The following TENM2 variants were observed in gnomAD, a reference collection of about 807,000 sequenced individuals.
TENM2 encodes the protein teneurin-2.
A neutral mutation model predicts 245.2 loss-of-function variants in TENM2; 52 were observed. The ratio of observed to expected loss-of-function variants is 0.21; its 90% CI spans 0.17 to 0.27. The LOEUF (loss-of-function observed/expected upper bound fraction) is 0.27, where lower values mean the gene tolerates loss of function less well. Ranked by LOEUF, TENM2 falls within the 10% of genes least tolerant of loss-of-function variation. The pLI is 1.00. For synonymous variants in TENM2, 1,363 were observed against 1,438.9 expected, an observed-to-expected ratio of 0.95 and a Z score of 1.19; for missense variants, 3,046 against 3,666.8, an observed-to-expected ratio of 0.83 and a Z score of 4.37.
chr5:167,950,880 TACAGGTTCATTTGGAGG>T (rs1333106858), intron 3 of TENM2, among the ~76,000 whole-genome samples: 1 of 152,240 alleles, frequency 6.6e-6, no homozygotes, highest in Non-Finnish European at 1.5e-5. Flanking sequence ...AAATAGGAAT[TACAGGTTCATTTGGAGG>T]ACATGATTTA....
At chr5:166,995,463 G>A in the TENM2 span, among the ~76,000 whole-genome samples, 1 of 151,846 alleles carries the variant, frequency 6.6e-6, no homozygotes, top group Admixed American at 6.6e-5. Flanking sequence ...GGATGGTCTC[G>A]ATTTCCTGAC....
At chr5:167,732,227 C>A (rs1675310718) in intron 2 of TENM2, among the ~76,000 whole-genome samples, 1 of 152,126 alleles carries the variant, frequency 6.6e-6, no homozygotes, top group African/African-American at 2.4e-5. Context: ...AGAGTACTCC[C>A]AGAAGCAGGC....
At chr5:167,917,043 G>A (rs1777007018) in intron 3 of TENM2, among the ~76,000 whole-genome samples, 1 of 152,226 alleles carries the variant, frequency 6.6e-6, no homozygotes, top group African/African-American at 2.4e-5. Flanking sequence ...TACTGTACCG[G>A]TGCCTTTCAG....
chr5:167,186,930 T>C, the TENM2 span, among the ~76,000 whole-genome samples: 1 of 152,210 alleles, frequency 6.6e-6, no homozygotes, highest in Non-Finnish European at 1.5e-5. Flanking sequence ...TGAACATTTC[T>C]GGGAGAACTC....
the TENM2 span, among the ~76,000 whole-genome samples, chr5:167,055,096 TCGCC>T: frequency 6.6e-6 from 1 of 152,140 alleles, no homozygotes; most frequent in Non-Finnish European, 1.5e-5. Context: ...TAAAAAGTCA[TCGCC>T]ATACTCAAGG....
At chr5:167,794,246 C>A (rs1360682506) in intron 2 of TENM2, among the ~76,000 whole-genome samples, 1 of 152,040 alleles carries the variant, frequency 6.6e-6, no homozygotes, top group Non-Finnish European at 1.5e-5. Flanking sequence ...AAATAAAACA[C>A]TTGTTTGAGA....
chr5:168,201,432 A>G (rs1761932083), intron 17 of TENM2, among the ~76,000 whole-genome samples: 1 of 152,040 alleles, frequency 6.6e-6, no homozygotes, highest in Non-Finnish European at 1.5e-5. Context: ...TCACTTCCAT[A>G]CACTCCAGCT....
the TENM2 span, among the ~76,000 whole-genome samples, chr5:167,130,167 GTT>G: frequency 6.6e-6 from 1 of 152,120 alleles, no homozygotes; most frequent in Non-Finnish European, 1.5e-5. Flanking sequence ...TAATAATTTA[GTT>G]ATTTGAACTC....
intron 2 of TENM2, among the ~76,000 whole-genome samples, chr5:167,463,029 C>A (rs554516283): frequency 6.6e-6 from 1 of 152,196 alleles, no homozygotes; most frequent in African/African-American, 2.4e-5. Flanking sequence ...ATATTGGATG[C>A]TTTTTCTCCT....
At chr5:167,565,450 C>T (rs563756252) in intron 2 of TENM2, among the ~76,000 whole-genome samples, 4 of 152,170 alleles carry the variant, frequency 2.6e-5, no homozygotes, top group African/African-American at 9.7e-5. Context: ...TTCTTTCAGC[C>T]AGTGCAGGAT....
At chr5:167,598,858 C>G (rs1349027403) in intron 2 of TENM2, among the ~76,000 whole-genome samples, 1 of 152,052 alleles carries the variant, frequency 6.6e-6, no homozygotes, top group African/African-American at 2.4e-5. Context: ...GTTAGACAAG[C>G]ATAATTTATA....
intron 4 of TENM2, among the ~76,000 whole-genome samples, chr5:167,982,312 T>C (rs868577861): frequency 3.7e-4 from 56 of 152,228 alleles, no homozygotes; most frequent in African/African-American, 1.3e-3. Context: ...GTCTCTCCAA[T>C]TGGAAATTTC....
intron 4 of TENM2, among the ~76,000 whole-genome samples, chr5:167,959,596 C>T (rs1346692049): frequency 6.6e-6 from 1 of 152,132 alleles, no homozygotes; most frequent in Non-Finnish European, 1.5e-5. Context: ...GTTAGCAATT[C>T]CTCTAGCCTT....
intron 2 of TENM2, among the ~76,000 whole-genome samples, chr5:167,859,413 C>G (rs879386022): frequency 5.6e-5 from 8 of 141,698 alleles, no homozygotes; most frequent in African/African-American, 1.6e-4. Flanking sequence ...CCAGCCGCCC[C>G]GTCCGGGAGG....
At chr5:167,625,464 A>G (rs1582579688) in intron 2 of TENM2, among the ~76,000 whole-genome samples, 2 of 152,172 alleles carry the variant, frequency 1.3e-5, no homozygotes, top group East Asian at 3.8e-4. Flanking sequence ...ATTTTTAGGG[A>G]CTTTATTTAA....
chr5:167,555,735 ACT>A (rs1371019979), intron 2 of TENM2, among the ~76,000 whole-genome samples: 1 of 151,994 alleles, frequency 6.6e-6, no homozygotes. Context: ...TGGGTCTGTA[ACT>A]CTCGGAATCA....
the TENM2 span, among the ~76,000 whole-genome samples, chr5:167,240,258 CTT>C: frequency 2.8e-3 from 395 of 141,606 alleles, 2 homozygotes; most frequent in African/African-American, 9.7e-3. Flanking sequence ...GGTAGGTGGC[CTT>C]TTTTTTTTTT....
chr5:168,222,639 C>CTAAG (rs1255767989), intron 23 of TENM2, among the ~76,000 whole-genome samples: 2 of 152,170 alleles, frequency 1.3e-5, no homozygotes, highest in East Asian at 3.8e-4. Flanking sequence ...ATCATGCCTG[C>CTAAG]TAAGTTCCCA....
the TENM2 span, among the ~76,000 whole-genome samples, chr5:167,242,978 G>A: frequency 6.6e-6 from 1 of 151,776 alleles, no homozygotes; most frequent in African/African-American, 2.4e-5. Context: ...CTCAGATTCT[G>A]TGCGTATGTA....
Sources: gnomAD v4.1 joint callset for allele counts (sites outside exome capture counted in the v4.1 genomes callset) on GRCh38, gnomAD v4.1.1 for gene constraint, MANE v1.5 for transcripts, NCBI Gene and HGNC (gene_info 2026-07-23, HGNC 2026-07-21) for gene names.